NRIP1: variants seen among roughly 807,000 people sequenced by gnomAD.
The protein encoded by NRIP1 is nuclear receptor-interacting protein 1.
A neutral mutation model predicts 75.0 loss-of-function variants in NRIP1; 28 were observed. That is an observed-to-expected ratio of 0.37 (90% confidence interval 0.28 to 0.51). The LOEUF (loss-of-function observed/expected upper bound fraction) is 0.51. Among genes scored for constraint, NRIP1 ranks in the 20% least tolerant of loss-of-function variants. The pLI, the probability that NRIP1 is intolerant of heterozygous loss-of-function variation, is 0.92. For missense variants in NRIP1, 1,435 were observed against 1,343.7 expected, an observed-to-expected ratio of 1.07 and a Z score of -1.06; for synonymous variants, 526 against 487.6, an observed-to-expected ratio of 1.08 and a Z score of -1.04.
chr21:15,013,748 T>A (rs1266851135), intron 3 of NRIP1, among the ~76,000 whole-genome samples: 3 of 152,214 alleles, frequency 2.0e-5, no homozygotes, highest in Non-Finnish European at 4.4e-5. Context: ...TTGTGTTAAT[T>A]TAATCCAATT....
intron 3 of NRIP1, among the ~76,000 whole-genome samples, chr21:14,976,968 ATCAAGT>A (rs2087089246): frequency 6.6e-6 from 1 of 152,202 alleles, no homozygotes; most frequent in African/African-American, 2.4e-5. Context: ...GTTCTGCAAT[ATCAAGT>A]AATACCTATT....
rs1210436122 is a variant in NRIP1, at chr21:14,968,338, C to T, written c.-146G>A. ...AGAGAGACGTACTGTTACATTCTGT[C>T]CAAGATTTCTTCTGGCAATGACAAG... On this transcript the variant is annotated 5_prime_UTR_variant, in exon 4 of 4. Transcript: ENST00000318948. 1 of 632,266 alleles carries T rather than the reference C, an allele frequency of 1.6e-6. No individual in the cohort carries two copies. 39.2% of individuals were successfully genotyped at this position (632,266 alleles called of 1,614,324 possible).
In NRIP1 at chr21:14,965,525, G is replaced by A; in HGVS notation, c.2668C>T (p.Leu890=). Residue 890 remains leucine (L), a synonymous_variant, in exon 4 of 4, where the codon CTG becomes TTG. Transcript: ENST00000318948. ...AANNHSAPEV[L]YGSLLNQEEL... ...TCCTGGTTAAGCAAGGACCCATACAGTACTTCTGGGGCACTGTGATTGTTT... is the reference window on the plus strand; with the variant it reads ...TCCTGGTTAAGCAAGGACCCATACAATACTTCTGGGGCACTGTGATTGTTT... 2 of 1,614,036 alleles carry A rather than the reference G, an allele frequency of 1.2e-6. No homozygotes were observed. Among genetic ancestry groups the A allele is most frequent in the Non-Finnish European group, 1.7e-6 (2 of 1,179,942 alleles).
chr21:15,042,593 G>C (rs190901567), intron 2 of NRIP1, among the ~76,000 whole-genome samples: 1 of 152,296 alleles, frequency 6.6e-6, no homozygotes, highest in Non-Finnish European at 1.5e-5. Flanking sequence ...TCATGAACAG[G>C]ATTAGTACCC....
In NRIP1 at chr21:14,964,924, C is replaced by A. The variant is rs1301250283; in HGVS notation, c.3269G>T (p.Trp1090Leu). The stretch of plus-strand genomic sequence containing the variant: ...ACTTTCAGCAGATGAAGCCTCCCTC[C>A]AAATGTCCTTGTCTTGTGTTTCTCG... ...TSRETQDKDI[W>L]REASSAESVS... Residue 1090 changes from tryptophan (W) to leucine (L), a missense_variant, in exon 4 of 4, where the codon TGG becomes TTG. Transcript: ENST00000318948. 6.2e-7 allele frequency: 1 copy of A among 1,613,688 alleles called. No individual in the cohort carries two copies. The highest frequency in any genetic ancestry group is 8.5e-7 in the Non-Finnish European group (1 of 1,179,768).
At chr21:15,039,609 C>T (rs2088909912) in intron 2 of NRIP1, among the ~76,000 whole-genome samples, 1 of 152,052 alleles carries the variant, frequency 6.6e-6, no homozygotes, top group African/African-American at 2.4e-5. Flanking sequence ...GTCATAGGCA[C>T]ATCTATATGT....
intron 3 of NRIP1, chr21:15,002,286 C>T (rs2087866549): frequency 6.6e-6 from 1 of 152,186 alleles, no homozygotes; most frequent in African/African-American, 2.4e-5. Flanking sequence ...TCTTTTCTTT[C>T]TCCTTTGCCT....
chr21:14,993,700 G>A (rs913970721), intron 3 of NRIP1, among the ~76,000 whole-genome samples: 5 of 151,892 alleles, frequency 3.3e-5, no homozygotes, highest in Non-Finnish European at 7.4e-5. Context: ...CGGAAGGATC[G>A]CTTGATCCCA....
intron 3 of NRIP1, among the ~76,000 whole-genome samples, chr21:14,982,208 T>A (rs79434781): frequency 6.6e-6 from 1 of 152,310 alleles, no homozygotes; most frequent in East Asian, 1.9e-4. Context: ...CCACTGTTTA[T>A]ATTTTGCTTT....
At chr21:15,064,202 G>A (rs995368770) in intron 1 of NRIP1, among the ~76,000 whole-genome samples, 1 of 152,260 alleles carries the variant, frequency 6.6e-6, no homozygotes, top group African/African-American at 2.4e-5. Flanking sequence ...GCCATCGGGA[G>A]GGGACCGCGA....
intron 3 of NRIP1, among the ~76,000 whole-genome samples, chr21:15,005,564 G>A (rs2087948270): frequency 6.6e-6 from 1 of 152,148 alleles, no homozygotes; most frequent in Non-Finnish European, 1.5e-5. Flanking sequence ...CCCTTGTACT[G>A]GATTTGCAAG....
At chr21:15,007,487 G>A (rs1432773823) in intron 3 of NRIP1, among the ~76,000 whole-genome samples, 1 of 151,988 alleles carries the variant, frequency 6.6e-6, no homozygotes, top group African/African-American at 2.4e-5. Flanking sequence ...TAAACACTGT[G>A]CTAAAAAAAT....
In NRIP1 at chr21:14,972,924, G is replaced by A. The variant is rs138816671; in HGVS notation, c.-334-4398C>T. Among the ~76,000 whole-genome samples the A allele has an allele frequency of 2.3e-4, 35 of 152,286 alleles. 1 individual carries two copies. The highest frequency in any genetic ancestry group is 1.2e-3 in the East Asian group (6 of 5,170). ...AATGCTTGCTGGCCCACTGCTCACC[G>A]CCTGCTGTGTGGCCCAGTTCCTAAC... On this transcript the variant is annotated intron_variant, in intron 3 of 3. Transcript: ENST00000318948.
In NRIP1 at chr21:15,025,194, A is replaced by C. The variant is rs564295758; in HGVS notation, c.-457-10728T>G. On this transcript the variant is annotated intron_variant, in intron 2 of 3. Coordinates refer to ENST00000318948, the MANE Select transcript of NRIP1 (RefSeq NM_003489.4). ...TCAAGTAAAACTAAGGGGCAGGGTGAGGGACAGGAGAAATGGCAGATTGAC... is the reference window on the plus strand; with the variant it reads ...TCAAGTAAAACTAAGGGGCAGGGTGCGGGACAGGAGAAATGGCAGATTGAC... 3.3e-5 allele frequency among the ~76,000 whole-genome samples: 5 copies of C among 152,292 alleles called. No homozygotes were observed. The South Asian group carries it at 1.0e-3, about 32-fold the overall frequency.
intron 3 of NRIP1, chr21:14,991,107 A>G (rs1478068521): frequency 6.6e-6 from 1 of 152,042 alleles, no homozygotes; most frequent in Non-Finnish European, 1.5e-5. Flanking sequence ...TGCCTAAAGG[A>G]AGGAGTCAGG....
chr21:15,029,759 T>C (rs1213075574), intron 2 of NRIP1, among the ~76,000 whole-genome samples: 2 of 152,046 alleles, frequency 1.3e-5, no homozygotes, highest in East Asian at 1.9e-4. Flanking sequence ...GAGGCTGTGG[T>C]GAGCTATGCT....
At chr21:15,034,743 C>T (rs1435275045) in intron 2 of NRIP1, among the ~76,000 whole-genome samples, 1 of 151,624 alleles carries the variant, frequency 6.6e-6, no homozygotes, top group Non-Finnish European at 1.5e-5. Flanking sequence ...TGAAAGGAAT[C>T]CTAAAAGCAT....
chr21:15,007,647 T>C (rs747937183), intron 3 of NRIP1, among the ~76,000 whole-genome samples: 33 of 152,320 alleles, frequency 2.2e-4, no homozygotes, highest in Non-Finnish European at 3.8e-4. Flanking sequence ...CAGTGACATG[T>C]ACCTTTTCAG....
At chr21:15,060,130 G>C (rs1028770410) in intron 1 of NRIP1, among the ~76,000 whole-genome samples, 1 of 152,054 alleles carries the variant, frequency 6.6e-6, no homozygotes, top group Non-Finnish European at 1.5e-5. Context: ...TACCATAACA[G>C]TGAGAAAAGT....
Sources: allele counts gnomAD v4.1 joint callset (sites outside exome capture counted in the v4.1 genomes callset), GRCh38; gene constraint gnomAD v4.1.1; transcripts MANE v1.5; gene names NCBI Gene and HGNC (gene_info 2026-07-23, HGNC 2026-07-21).